Variants in CNTNAP2 observed in about 807,000 individuals in gnomAD.
CNTNAP2 encodes contactin associated protein 2.
Under a neutral mutation model 155.2 loss-of-function variants are expected in CNTNAP2, and 98 were observed. The observed-to-expected ratio is 0.63, with a 90% CI of 0.54 to 0.75. The LOEUF (loss-of-function observed/expected upper bound fraction) is 0.75, where lower values mean the gene tolerates loss of function less well. Ranked by LOEUF, CNTNAP2 falls within the 30% of genes least tolerant of loss-of-function variation. CNTNAP2 has a pLI of 0.00. For synonymous variants in CNTNAP2, 651 were observed against 631.2 expected (o/e 1.03, Z -0.47); for missense variants, 1,727 against 1,688.1 (o/e 1.02, Z -0.40).
At position 146,684,639 on chromosome 7, in the gene CNTNAP2, C is replaced by CAAAAAAAAAAAAAAAAAAAAAAA. The variant is rs3080477; in HGVS notation, c.98-89612_98-89611insAAAAAAAAAAAAAAAAAAAAAAA. Among the ~76,000 whole-genome samples the CAAAAAAAAAAAAAAAAAAAAAAA allele has an allele frequency of 3.1e-5, 2 of 63,514 alleles. 1 individual carries two copies. Among genetic ancestry groups the CAAAAAAAAAAAAAAAAAAAAAAA allele is most frequent in the Non-Finnish European group, 5.6e-5 (2 of 35,818 alleles). 41.7% of individuals were successfully genotyped at this position (63,514 alleles called of 152,430 possible). On this transcript the variant is annotated intron_variant, in intron 1 of 23. Coordinates refer to ENST00000361727, the MANE Select transcript of CNTNAP2 (RefSeq NM_014141.6). ...GCTTCGAGCAATAATAGATCCAGCGCAAAAAAAAAAAAAAAAAAAAGCTGG... is the reference window on the plus strand; with the variant it reads ...GCTTCGAGCAATAATAGATCCAGCGCAAAAAAAAAAAAAAAAAAAAAAAAAAAAAAAAAAAAAAAAAAAGCTGG...
intron 21 of CNTNAP2, among the ~76,000 whole-genome samples, chr7:148,320,444 C>T (rs1797771722): frequency 7.7e-6 from 1 of 129,348 alleles, no homozygotes; most frequent in Non-Finnish European, 1.5e-5. Context: ...AGTGCAGTGG[C>T]TCAATCTCCA....
chr7:147,390,450 T>C (rs867030225), intron 9 of CNTNAP2, among the ~76,000 whole-genome samples: 1 of 152,152 alleles, frequency 6.6e-6, no homozygotes, highest in Admixed American at 6.6e-5. Context: ...TGACTTGATA[T>C]TTCTTATAAG....
intron 1 of CNTNAP2, among the ~76,000 whole-genome samples, chr7:146,316,512 G>A (rs933350722): frequency 6.6e-6 from 1 of 151,908 alleles, no homozygotes; most frequent in African/African-American, 2.4e-5. Context: ...AAAACATAGG[G>A]CTGAGAATTA....
At chr7:148,040,359 G>A (rs1225284252) in intron 15 of CNTNAP2, among the ~76,000 whole-genome samples, 2 of 152,110 alleles carry the variant, frequency 1.3e-5, no homozygotes, top group African/African-American at 4.8e-5. Context: ...AGAAAAAGCA[G>A]GAAATTACCT....
At chr7:146,441,641 C>T (rs1206260958) in intron 1 of CNTNAP2, among the ~76,000 whole-genome samples, 1 of 151,450 alleles carries the variant, frequency 6.6e-6, no homozygotes, top group Non-Finnish European at 1.5e-5. Flanking sequence ...GTCCTCTTTG[C>T]TCTTGAATCT....
intron 13 of CNTNAP2, among the ~76,000 whole-genome samples, chr7:147,756,709 C>CTGATG (rs1797217918): frequency 6.6e-6 from 1 of 152,132 alleles, no homozygotes; most frequent in Admixed American, 6.5e-5. Flanking sequence ...CTAGAAGGGA[C>CTGATG]TCCTTCCTCT....
At chr7:147,953,562 T>C (rs1461962099) in intron 14 of CNTNAP2, among the ~76,000 whole-genome samples, 2 of 152,212 alleles carry the variant, frequency 1.3e-5, no homozygotes, top group African/African-American at 2.4e-5. Flanking sequence ...CTATTGGTTA[T>C]GCTGATTAGA....
chr7:147,567,481 A>C (rs1200448105), intron 12 of CNTNAP2, among the ~76,000 whole-genome samples: 1 of 152,206 alleles, frequency 6.6e-6, no homozygotes, highest in Non-Finnish European at 1.5e-5. Context: ...GAGATAAGAC[A>C]GGGAAACAAG....
At chr7:146,901,517 G>T (rs1585146518) in intron 3 of CNTNAP2, among the ~76,000 whole-genome samples, 1 of 152,098 alleles carries the variant, frequency 6.6e-6, no homozygotes, top group Non-Finnish European at 1.5e-5. Context: ...CTAGAAAATG[G>T]AATTTGACTT....
At chr7:147,340,142 C>T (rs1327019913) in intron 9 of CNTNAP2, among the ~76,000 whole-genome samples, 2 of 151,462 alleles carry the variant, frequency 1.3e-5, no homozygotes. Flanking sequence ...GTAACTTTAA[C>T]CTGAAGGTAC....
intron 1 of CNTNAP2, among the ~76,000 whole-genome samples, chr7:146,417,193 A>G (rs925273376): frequency 3.9e-5 from 6 of 152,158 alleles, no homozygotes; most frequent in African/African-American, 1.2e-4. Flanking sequence ...TCACTGAACC[A>G]AAAGATATAT....
At chr7:147,139,362 G>A (rs960780174) in intron 8 of CNTNAP2, among the ~76,000 whole-genome samples, 2 of 152,046 alleles carry the variant, frequency 1.3e-5, no homozygotes, top group Admixed American at 6.6e-5. Context: ...AACTTTAGAT[G>A]TTTTTGCAAT....
In CNTNAP2 at chr7:148,126,239, G is replaced by A. The variant is rs190684126; in HGVS notation, c.2554+7951G>A. On this transcript the variant is annotated intron_variant, in intron 16 of 23. Transcript: ENST00000361727. ...GAACACATCAAAAAGGTGTGGCTCCGTCATACACCCATGCTGCGAGGGTTA... is the reference window on the plus strand; with the variant it reads ...GAACACATCAAAAAGGTGTGGCTCCATCATACACCCATGCTGCGAGGGTTA... Among the ~76,000 whole-genome samples the A allele has an allele frequency of 3.3e-5, 5 of 152,278 alleles. No homozygotes were observed. In the East Asian group the frequency reaches 7.7e-4, roughly 24 times the overall value.
chr7:147,205,148 G>T (rs148602209), intron 8 of CNTNAP2, among the ~76,000 whole-genome samples: 11 of 152,118 alleles, frequency 7.2e-5, no homozygotes, highest in Non-Finnish European at 1.2e-4. Context: ...TGAATGAATT[G>T]GATAGTGATA....
chr7:147,335,930 A>G (rs971339688), intron 9 of CNTNAP2, among the ~76,000 whole-genome samples: 13 of 152,212 alleles, frequency 8.5e-5, no homozygotes, highest in Admixed American at 3.9e-4. Flanking sequence ...GGAAGGAAAT[A>G]AAGAACAAAC....
intron 1 of CNTNAP2, among the ~76,000 whole-genome samples, chr7:146,269,057 G>T (rs1326833035): frequency 6.6e-6 from 1 of 152,116 alleles, no homozygotes; most frequent in African/African-American, 2.4e-5. Flanking sequence ...ACATAAGAGG[G>T]TGGGCCAGGT....
intron 13 of CNTNAP2, among the ~76,000 whole-genome samples, chr7:147,863,000 A>G (rs1254342735): frequency 1.3e-5 from 2 of 152,140 alleles, no homozygotes; most frequent in Non-Finnish European, 2.9e-5. Flanking sequence ...ATACAGAGGT[A>G]TACATATGCC....
intron 1 of CNTNAP2, among the ~76,000 whole-genome samples, chr7:146,467,549 A>G: frequency 6.6e-6 from 1 of 152,150 alleles, no homozygotes; most frequent in East Asian, 1.9e-4. Context: ...ACAGGAAATA[A>G]TTTGGGTGAT....
chr7:147,607,294 G>T (rs938641887), intron 12 of CNTNAP2, among the ~76,000 whole-genome samples: 4 of 151,988 alleles, frequency 2.6e-5, no homozygotes, highest in South Asian at 4.2e-4. Context: ...GAGAGACTTT[G>T]GTTCACCTTT....
Sources: allele counts gnomAD v4.1 joint callset (sites outside exome capture counted in the v4.1 genomes callset), GRCh38; gene constraint gnomAD v4.1.1; transcripts MANE v1.5; gene names NCBI Gene and HGNC (gene_info 2026-07-23, HGNC 2026-07-21).